Variants in PPFIA2 observed in about 807,000 individuals in gnomAD.
The protein encoded by PPFIA2 is PPFI scaffold protein A2.
PPFIA2 carries 46 observed loss-of-function variants against 175.5 expected under a neutral mutation model. That is an observed-to-expected ratio of 0.26 (90% CI 0.21 to 0.34). The LOEUF (loss-of-function observed/expected upper bound fraction) is 0.34. PPFIA2 is among the 10% of genes least tolerant of loss of function. PPFIA2 has a pLI of 1.00. For synonymous variants in PPFIA2, 568 were observed against 511.4 expected, an observed-to-expected ratio of 1.11 and a Z score of -1.49; for missense variants, 1,179 against 1,506.1, an observed-to-expected ratio of 0.78 and a Z score of 3.60.
In PPFIA2 at chr12:81,740,546, G is replaced by T. The variant is rs137995059; in HGVS notation, c.249+13427C>A. 5.0e-3 allele frequency among the ~76,000 whole-genome samples: 763 copies of T among 152,266 alleles called. 6 individuals carry two copies. Among genetic ancestry groups the T allele is most frequent in the African/African-American group, 0.016 (684 of 41,546 alleles). Reference sequence around the variant, plus strand: ...TCTCCTTTTCACAAACTGAGGAATCGTGATGGTTGTTGCTACCTTACCCTC... The same window carrying T: ...TCTCCTTTTCACAAACTGAGGAATCTTGATGGTTGTTGCTACCTTACCCTC... On this transcript the variant is annotated intron_variant, in intron 3 of 32. Coordinates refer to ENST00000549396, the MANE Select transcript of PPFIA2 (RefSeq NM_003625.5).
chr12:81,445,523 T>C (rs768950118), intron 6 of PPFIA2, 33 bp downstream of exon 6: 21 of 1,594,098 alleles, frequency 1.3e-5, no homozygotes, highest in Non-Finnish European at 1.7e-5. Context: ...GACAGAAGTG[T>C]AGTTAAGCTT....
chr12:81,661,322 C>T (rs1479502909), intron 4 of PPFIA2, among the ~76,000 whole-genome samples: 1 of 152,110 alleles, frequency 6.6e-6, no homozygotes, highest in African/African-American at 2.4e-5. Flanking sequence ...TGCAGAGACA[C>T]ACATAGGCTC....
chr12:81,439,179 C>CTA (rs1225873142), intron 7 of PPFIA2, among the ~76,000 whole-genome samples: 4 of 149,968 alleles, frequency 2.7e-5, no homozygotes, highest in East Asian at 2.0e-4. Context: ...CTCTCTCTCT[C>CTA]TCTCTCTATA....
At chr12:81,285,837 T>G (rs1387477942) in intron 24 of PPFIA2, among the ~76,000 whole-genome samples, 2 of 152,114 alleles carry the variant, frequency 1.3e-5, no homozygotes, top group Non-Finnish European at 2.9e-5. Flanking sequence ...TTTTACAGTG[T>G]ACTCCCTCTA....
chr12:81,368,076 T>C (rs775127253), intron 13 of PPFIA2: 2 of 1,271,814 alleles, frequency 1.6e-6, no homozygotes, highest in Non-Finnish European at 2.1e-6. Context: ...TCTAAAATGA[T>C]GTGATCATCC....
chr12:81,501,513 G>A (rs550463634), intron 4 of PPFIA2, among the ~76,000 whole-genome samples: 12 of 151,210 alleles, frequency 7.9e-5, no homozygotes, highest in African/African-American at 2.2e-4. Context: ...TCTCTATTTC[G>A]AGCACTGTTG....
chr12:81,417,641 A>G (rs1251335761), intron 7 of PPFIA2, among the ~76,000 whole-genome samples: 2 of 151,808 alleles, frequency 1.3e-5, no homozygotes, highest in Non-Finnish European at 3.0e-5. Context: ...TTCCTTTTAA[A>G]GTAATCCATT....
At chr12:81,275,913 T>C (rs1335565793) in intron 28 of PPFIA2, among the ~76,000 whole-genome samples, 5 of 151,594 alleles carry the variant, frequency 3.3e-5, no homozygotes, top group Non-Finnish European at 5.9e-5. Context: ...GCCTCCCGAG[T>C]AGCTGGGACT....
At chr12:81,710,576 TTGAG>T (rs1271582101) in intron 3 of PPFIA2, among the ~76,000 whole-genome samples, 3 of 152,068 alleles carry the variant, frequency 2.0e-5, no homozygotes, top group Non-Finnish European at 4.4e-5. Flanking sequence ...GTGTTTCAGA[TTGAG>T]TATTTTTTAG....
chr12:81,515,052 T>G (rs1403424303), intron 4 of PPFIA2, among the ~76,000 whole-genome samples: 4 of 151,996 alleles, frequency 2.6e-5, no homozygotes, highest in African/African-American at 4.8e-5. Context: ...GTGTTTCTAT[T>G]ACTGGCATTG....
At chr12:81,630,858 A>G (rs1192717960) in intron 4 of PPFIA2, among the ~76,000 whole-genome samples, 1 of 150,124 alleles carries the variant, frequency 6.7e-6, no homozygotes, top group Non-Finnish European at 1.5e-5. Context: ...TAACATTTTT[A>G]TGTAAAGATG....
chr12:81,379,943 T>C lies in PPFIA2; in HGVS notation c.985-4001A>G, dbSNP rs1436124339. On this transcript the variant is annotated intron_variant, in intron 9 of 32. Coordinates refer to ENST00000549396, the MANE Select transcript of PPFIA2 (RefSeq NM_003625.5). The stretch of plus-strand genomic sequence containing the variant: ...CAAATTATATTTCTGTTTTTTATTA[T>C]ATGGTTGTTTTTTCTTATTTCCTAA... Among the ~76,000 whole-genome samples, 6 of 152,232 alleles carry C rather than the reference T, an allele frequency of 3.9e-5. No homozygotes were observed. In the East Asian group the frequency reaches 1.2e-3, roughly 29 times the overall value.
At chr12:81,678,759 T>A (rs1233654986) in intron 3 of PPFIA2, among the ~76,000 whole-genome samples, 1 of 151,890 alleles carries the variant, frequency 6.6e-6, no homozygotes, top group East Asian at 1.9e-4. Context: ...CTTGATTGTA[T>A]CATTTGAGGA....
intron 4 of PPFIA2, among the ~76,000 whole-genome samples, chr12:81,533,197 C>A (rs1427008389): frequency 6.6e-6 from 1 of 151,510 alleles, no homozygotes; most frequent in Non-Finnish European, 1.5e-5. Flanking sequence ...GTTCAAAATG[C>A]ATTTAGGTAT....
intron 4 of PPFIA2, among the ~76,000 whole-genome samples, chr12:81,534,182 G>T (rs906957856): frequency 6.6e-6 from 1 of 151,582 alleles, no homozygotes; most frequent in Non-Finnish European, 1.5e-5. Flanking sequence ...TGTGTAAAAA[G>T]AGGGAGATAA....
At chr12:81,279,799 C>T (rs1235424725) in intron 27 of PPFIA2, among the ~76,000 whole-genome samples, 1 of 152,012 alleles carries the variant, frequency 6.6e-6, no homozygotes, top group Non-Finnish European at 1.5e-5. Flanking sequence ...ATATGAAGCC[C>T]TAAACTTCCC....
chr12:81,555,875 A>C (rs1001109790), intron 4 of PPFIA2, among the ~76,000 whole-genome samples: 1 of 151,944 alleles, frequency 6.6e-6, no homozygotes, highest in African/African-American at 2.4e-5. Context: ...GCTCTAACAA[A>C]ATATAATAGG....
At chr12:81,462,575 T>C (rs1308328971) in intron 4 of PPFIA2, among the ~76,000 whole-genome samples, 1 of 60,660 alleles carries the variant, frequency 1.6e-5, no homozygotes, top group East Asian at 5.0e-4. Flanking sequence ...TATGTGTATA[T>C]ATATATATAC....
chr12:81,351,950 AT>A (rs1566364792), intron 17 of PPFIA2, among the ~76,000 whole-genome samples: 4 of 152,148 alleles, frequency 2.6e-5, no homozygotes, highest in African/African-American at 9.6e-5. Context: ...TAATACAGAA[AT>A]GTAATTTTTA....
Sources: gnomAD v4.1 joint callset for allele counts (sites outside exome capture counted in the v4.1 genomes callset) on GRCh38, gnomAD v4.1.1 for gene constraint, MANE v1.5 for transcripts, NCBI Gene and HGNC (gene_info 2026-07-23, HGNC 2026-07-21) for gene names.